The following IBTK variants were observed in gnomAD, a reference collection of about 807,000 sequenced individuals.
IBTK encodes BTK-binding protein.
Under a neutral mutation model 154.9 loss-of-function variants are expected in IBTK, and 83 were observed. The ratio of observed to expected loss-of-function variants is 0.54; its 90% CI spans 0.45 to 0.64. The LOEUF (loss-of-function observed/expected upper bound fraction) is 0.64, where lower values mean the gene tolerates loss of function less well. Among genes scored for constraint, IBTK ranks in the 30% least tolerant of loss-of-function variants. IBTK has a pLI of 0.00. For synonymous variants in IBTK, 515 were observed against 536.1 expected (o/e 0.96, Z 0.54); for missense variants, 1,332 against 1,584.6 (o/e 0.84, Z 2.71).
chr6:82,214,998 T>A (rs532587984), intron 11 of IBTK, among the ~76,000 whole-genome samples, 169 bp from the exon 12 acceptor site: 3 of 152,320 alleles, frequency 2.0e-5, no homozygotes, highest in African/African-American at 7.2e-5. Flanking sequence ...AGATGCTATA[T>A]CATCCTTTAA....
intron 1 of IBTK, among the ~76,000 whole-genome samples, chr6:82,244,383 C>T (rs77159421): frequency 2.1e-3 from 320 of 152,276 alleles, no homozygotes; most frequent in Middle Eastern, 0.014. Context: ...ACTTGCCTTC[C>T]CTGCTTTTAT....
At chr6:82,190,786 A>T (rs2127802687) in intron 25 of IBTK, among the ~76,000 whole-genome samples, 1 of 152,142 alleles carries the variant, frequency 6.6e-6, no homozygotes, top group African/African-American at 2.4e-5. Flanking sequence ...GAATATCAAG[A>T]AGAAATTATA....
intron 4 of IBTK, among the ~76,000 whole-genome samples, chr6:82,228,672 A>C (rs2127822772): frequency 6.6e-6 from 1 of 150,854 alleles, no homozygotes; most frequent in South Asian, 2.1e-4. Context: ...CCCAGGCTGG[A>C]GTGCAGTGGC....
At chr6:82,174,177 TCAAA>T (rs955354192) in intron 26 of IBTK, among the ~76,000 whole-genome samples, 65 of 152,072 alleles carry the variant, frequency 4.3e-4, no homozygotes, top group African/African-American at 1.4e-3. Flanking sequence ...CAACACAAAG[TCAAA>T]CAGAGAGTAA....
In IBTK at chr6:82,172,653, C is replaced by T. The variant is rs931329958; in HGVS notation, c.3798-141G>A. ...AACCTGGAAGCTTTCACAGAGATTA[C>T]AGAATGATGAGTTTCACTCATCTTC... On this transcript the variant is annotated intron_variant, in intron 27 of 28. Coordinates refer to ENST00000306270, the MANE Select transcript of IBTK (RefSeq NM_015525.4). The T allele has an allele frequency of 4.6e-6, 3 of 649,720 alleles. No individual in the cohort carries two copies. The South Asian group carries it at 8.1e-5, about 17-fold the overall frequency. 40.2% of individuals were successfully genotyped at this position (649,720 alleles called of 1,614,324 possible).
intron 25 of IBTK, among the ~76,000 whole-genome samples, chr6:82,185,900 G>A (rs907002675): frequency 2.6e-5 from 4 of 152,076 alleles, no homozygotes; most frequent in Admixed American, 6.6e-5. Flanking sequence ...TTTTAAACAG[G>A]TTGAAGGTTT....
At chr6:82,177,357 C>T (rs527587477) in intron 26 of IBTK, among the ~76,000 whole-genome samples, 4 of 152,048 alleles carry the variant, frequency 2.6e-5, no homozygotes, top group East Asian at 1.9e-4. Context: ...TACAGACATG[C>T]ACCACTATGC....
At chr6:82,247,455 G>A in intron 1 of IBTK, 107 bp downstream of exon 1, 1 of 395,900 alleles carries the variant, frequency 2.5e-6, no homozygotes, top group Non-Finnish European at 4.5e-6. Flanking sequence ...CCCCCGCGCC[G>A]CCGTCCGCAG....
At chr6:82,180,212 A>C (rs1278296948) in intron 26 of IBTK, among the ~76,000 whole-genome samples, 1 of 152,106 alleles carries the variant, frequency 6.6e-6, no homozygotes, top group African/African-American at 2.4e-5. Flanking sequence ...AATCTGCTTC[A>C]TATGTTAGTA....
At chr6:82,203,721 GAGGAAGAAGAC>G (rs1236323779) in intron 17 of IBTK, among the ~76,000 whole-genome samples, 17 of 152,112 alleles carry the variant, frequency 1.1e-4, no homozygotes, top group African/African-American at 4.1e-4. Context: ...AAAGAACACT[GAGGAAGAAGAC>G]CAGCAAAGGC....
rs1447294534 is a variant in IBTK at position 82,170,466 on chromosome 6, T to G, written c.*959A>C. On this transcript the variant is annotated 3_prime_UTR_variant, in exon 29 of 29. Transcript: ENST00000306270. ...AATTTAACATTTGTTTTTGCAAAATTTAAACACTCAGAAACAAACCAAACA... is the reference window on the plus strand; with the variant it reads ...AATTTAACATTTGTTTTTGCAAAATGTAAACACTCAGAAACAAACCAAACA... 1.3e-5 allele frequency: 2 copies of G among 152,196 alleles called. No individual in the cohort carries two copies. The highest frequency in any genetic ancestry group is 2.9e-5 in the Non-Finnish European group (2 of 68,038). The allele number at this position is 152,196 out of a possible 1,614,324, so 9.4% of individuals were successfully genotyped here.
chr6:82,218,731 C>T (rs1483482932), intron 9 of IBTK, among the ~76,000 whole-genome samples: 3 of 152,108 alleles, frequency 2.0e-5, no homozygotes, highest in Non-Finnish European at 2.9e-5. Flanking sequence ...CTTCCCAATC[C>T]ACAGTAGCAA....
rs57358110 is a variant in IBTK, at chr6:82,220,937, T to TACACACACACACACACACAC, written c.1125-244_1125-225dup. On this transcript the variant is annotated intron_variant, in intron 8 of 28. Transcript: ENST00000306270. ...TCTTTTTCTCTTAAATGACTTTACCTACACACACACACACACACACACACA... is the reference window on the plus strand; with the variant it reads ...TCTTTTTCTCTTAAATGACTTTACCTACACACACACACACACACACACACACACACACACACACACACACA... Among the ~76,000 whole-genome samples the TACACACACACACACACACAC allele has an allele frequency of 5.7e-4, 74 of 130,160 alleles. 1 individual carries two copies. The highest frequency in any genetic ancestry group is 1.1e-3 in the African/African-American group (37 of 34,286). 85.4% of individuals were successfully genotyped at this position (130,160 alleles called of 152,430 possible).
At chr6:82,215,583 T>C (rs1484197912) in intron 11 of IBTK, among the ~76,000 whole-genome samples, 1 of 151,900 alleles carries the variant, frequency 6.6e-6, no homozygotes, top group Non-Finnish European at 1.5e-5. Context: ...GGTCAGGTGG[T>C]CAAGACCAGC....
intron 1 of IBTK, among the ~76,000 whole-genome samples, chr6:82,243,238 CAAAA>C (rs200210329): frequency 3.3e-5 from 2 of 60,800 alleles, no homozygotes; most frequent in Non-Finnish European, 3.4e-5. Context: ...GACTCTGTCT[CAAAA>C]AAAAAAAAAA....
At position 82,202,689 on chromosome 6, in the gene IBTK, T is replaced by C. The variant is rs1314248312; in HGVS notation, c.2612-44A>G. The C allele has an allele frequency of 9.4e-6, 9 of 957,508 alleles. No homozygotes were observed. The highest frequency in any genetic ancestry group is 7.7e-5 in the East Asian group (3 of 38,864). 59.3% of individuals were successfully genotyped at this position (957,508 alleles called of 1,614,324 possible). ...TTTGCAAAATTAGATAAAAGGCACA[T>C]TACCACAGCAAAATAAAATACATTT... On this transcript the variant is annotated intron_variant, in intron 17 of 28. Transcript: ENST00000306270.
intron 10 of IBTK, among the ~76,000 whole-genome samples, chr6:82,216,585 G>T (rs1769883843): frequency 2.0e-5 from 3 of 152,184 alleles, no homozygotes; most frequent in Admixed American, 6.5e-5. Flanking sequence ...TATACTTCCT[G>T]TTGCCCAAAG....
chr6:82,231,318 AAAAAAGAAC>A (rs1562103912), intron 4 of IBTK, among the ~76,000 whole-genome samples: 3 of 152,066 alleles, frequency 2.0e-5, no homozygotes, highest in Non-Finnish European at 2.9e-5. Context: ...GCCACCAAAA[AAAAAAGAAC>A]TGTTGTTCAC....
At position 82,172,472 on chromosome 6, in the gene IBTK, C is replaced by T. The variant is rs2127795208; in HGVS notation, c.3838G>A (p.Ala1280Thr). 1.2e-6 allele frequency: 2 copies of T among 1,613,742 alleles called. No individual in the cohort carries two copies. The highest frequency in any genetic ancestry group is 4.5e-5 in the East Asian group (2 of 44,850). Reference sequence around the variant, plus strand: ...ACAATAGATGCAAAAGTGACTGGGGCTACCATGGATGGAGCAGTCACTGAA... The same window carrying T: ...ACAATAGATGCAAAAGTGACTGGGGTTACCATGGATGGAGCAGTCACTGAA... ...SSSVTAPSMV[A>T]PVTFASIVEE... Residue 1280 changes from alanine (A) to threonine (T), a missense_variant, in exon 28 of 29, where the codon GCC becomes ACC. By Grantham distance (58) the Ala-to-Thr change is moderately conservative. Around this residue, in one of 3 missense-constraint regions of IBTK, gnomAD observed 1,134 missense variants for 1,274.7 expected, o/e 0.89. Transcript: ENST00000306270.
Sources: gnomAD v4.1 joint callset for allele counts (sites outside exome capture counted in the v4.1 genomes callset) on GRCh38, gnomAD v4.1.1 for gene constraint, gnomAD v4.1.1 regional missense constraint, MANE v1.5 for transcripts, NCBI Gene and HGNC (gene_info 2026-07-23, HGNC 2026-07-21) for gene names.